The following SHC4 variants were observed in gnomAD, a reference collection of about 807,000 sequenced individuals.
SHC4 encodes the protein SHC-transforming protein 4.
Under a neutral mutation model 69.4 loss-of-function variants are expected in SHC4, and 41 were observed. That is an observed-to-expected ratio of 0.59 (90% CI 0.46 to 0.77). The LOEUF (loss-of-function observed/expected upper bound fraction) is 0.77. Among genes scored for constraint, SHC4 ranks in the 30% least tolerant of loss-of-function variants. The pLI, the probability that SHC4 is intolerant of heterozygous loss-of-function variation, is 0.00. For missense variants in SHC4, 777 were observed against 783.8 expected (o/e 0.99, Z 0.10); for synonymous variants, 318 against 299.3 (o/e 1.06, Z -0.64).
intron 1 of SHC4, among the ~76,000 whole-genome samples, chr15:48,961,728 C>A (rs1409576173): frequency 8.5e-5 from 13 of 152,194 alleles, no homozygotes; most frequent in Non-Finnish European, 1.6e-4. Context: ...GAAATCTGAG[C>A]TGCAAAAGGG....
At chr15:48,854,089 T>A (rs955236365) in intron 8 of SHC4, among the ~76,000 whole-genome samples, 4 of 152,140 alleles carry the variant, frequency 2.6e-5, no homozygotes, top group African/African-American at 9.7e-5. Flanking sequence ...CAAAAAGGTC[T>A]AATATGTAGA....
intron 9 of SHC4, among the ~76,000 whole-genome samples, chr15:48,846,703 T>A (rs1022200793): frequency 9.2e-5 from 14 of 152,240 alleles, no homozygotes; most frequent in African/African-American, 3.1e-4. Context: ...GCATCTTCAG[T>A]GCTTGGGATG....
intron 9 of SHC4, among the ~76,000 whole-genome samples, chr15:48,844,826 A>G (rs1331514452): frequency 2.0e-5 from 3 of 152,158 alleles, no homozygotes; most frequent in Admixed American, 6.5e-5. Flanking sequence ...GCTGCCATGT[A>G]AGATGTGCCT....
chr15:48,909,289 A>T (rs1293422010), intron 2 of SHC4, among the ~76,000 whole-genome samples: 1 of 146,614 alleles, frequency 6.8e-6, no homozygotes, highest in African/African-American at 2.5e-5. Context: ...TATTCCTAGG[A>T]TTTTTTTTTT....
At chr15:48,882,619 C>G (rs895056176) in intron 4 of SHC4, among the ~76,000 whole-genome samples, 1 of 152,130 alleles carries the variant, frequency 6.6e-6, no homozygotes, top group Non-Finnish European at 1.5e-5. Context: ...AGACACCCCA[C>G]AGAAAGGGCC....
intron 1 of SHC4, among the ~76,000 whole-genome samples, chr15:48,945,423 T>A (rs1429823582): frequency 6.6e-6 from 1 of 152,152 alleles, no homozygotes; most frequent in Non-Finnish European, 1.5e-5. Flanking sequence ...CCATGAATGT[T>A]CATTATAGCA....
At chr15:48,878,773 G>A (rs771725603) in intron 4 of SHC4, 6 of 1,569,258 alleles carry the variant, frequency 3.8e-6, no homozygotes, top group Non-Finnish European at 5.2e-6. Flanking sequence ...GAAACTACTT[G>A]AGGAGGGACC....
chr15:48,834,161 T>TCTTTG (rs749987442), intron 11 of SHC4, among the ~76,000 whole-genome samples: 6 of 152,200 alleles, frequency 3.9e-5, no homozygotes, highest in Admixed American at 1.3e-4. Flanking sequence ...CTACAGGCAT[T>TCTTTG]CTTTGCTACT....
chr15:48,889,828 A>G (rs1428840124), intron 3 of SHC4, among the ~76,000 whole-genome samples: 1 of 152,218 alleles, frequency 6.6e-6, no homozygotes, highest in Admixed American at 6.5e-5. Context: ...TGGGCAACAG[A>G]GCGAGACTCC....
At chr15:48,869,014 G>C (rs1899615088) in intron 5 of SHC4, among the ~76,000 whole-genome samples, 1 of 152,210 alleles carries the variant, frequency 6.6e-6, no homozygotes, top group African/African-American at 2.4e-5. Context: ...TTATGGGAAA[G>C]AGGCTGTGAG....
intron 1 of SHC4, chr15:48,946,587 G>A (rs11070668): frequency 0.89 from 870,106 of 982,806 alleles, 385,480 homozygotes; most frequent in East Asian, 0.93. Flanking sequence ...TTGGAGATTT[G>A]TCACACATCC....
rs1172451486 is a variant in SHC4, at chr15:48,843,464, G to A, written c.1428C>T (p.Gly476=). ...GGGCTGACCTTTGATTTCCAGCAGA[G>A]CCAGGTGTACTTTGAAGAGCCTGTG... is the stretch of plus-strand genomic sequence containing the variant. ...INTQALQSTP[G]SAGNQRSAQP... is the part of the protein sequence containing the mutation. The change falls in exon 10 of 12, where the codon GGC becomes GGT. Residue 476 remains glycine (G), a synonymous_variant. Transcript: ENST00000332408. 1 of 1,614,060 alleles carries A rather than the reference G, an allele frequency of 6.2e-7. No homozygotes were observed. The highest frequency in any genetic ancestry group is 2.2e-5 in the East Asian group (1 of 44,904).
chr15:48,895,987 C>T (rs1900213921), intron 2 of SHC4, among the ~76,000 whole-genome samples: 1 of 151,964 alleles, frequency 6.6e-6, no homozygotes, highest in South Asian at 2.1e-4. Flanking sequence ...ACCCAGGAGC[C>T]CGATGCAGGA....
chr15:48,872,441 A>C (rs1402651166), intron 4 of SHC4, among the ~76,000 whole-genome samples: 1 of 152,228 alleles, frequency 6.6e-6, no homozygotes, highest in Non-Finnish European at 1.5e-5. Context: ...GGAAGAACTG[A>C]AATGAATAAT....
intron 2 of SHC4, among the ~76,000 whole-genome samples, chr15:48,896,321 CTTTCT>C (rs1475688837): frequency 3.5e-5 from 4 of 113,230 alleles, no homozygotes; most frequent in South Asian, 6.3e-4. Flanking sequence ...TCTTTCTTTT[CTTTCT>C]TTTTTTTTTT....
At chr15:48,878,053 C>T (rs1899851881) in intron 4 of SHC4, 1 of 1,297,476 alleles carries the variant, frequency 7.7e-7, no homozygotes. Flanking sequence ...GAGGCGGTAC[C>T]TGAGGACCAC....
chr15:48,878,394 G>T (rs532770133), intron 4 of SHC4: 2 of 1,611,996 alleles, frequency 1.2e-6, no homozygotes, highest in African/African-American at 1.3e-5. Flanking sequence ...GAGGGGAAAC[G>T]GAGCCTTGCT....
At chr15:48,832,314 T>C (rs370980088) in intron 11 of SHC4, among the ~76,000 whole-genome samples, 1 of 152,262 alleles carries the variant, frequency 6.6e-6, no homozygotes, top group African/African-American at 2.4e-5. Flanking sequence ...TTTTGCCAGA[T>C]GGAGTAGTCT....
chr15:48,869,829 A>G (rs1274236017), intron 5 of SHC4, among the ~76,000 whole-genome samples: 2 of 152,220 alleles, frequency 1.3e-5, no homozygotes, highest in Non-Finnish European at 2.9e-5. Context: ...ACTTTAAATT[A>G]GAATCAACAG....
Sources: allele counts gnomAD v4.1 joint callset (sites outside exome capture counted in the v4.1 genomes callset), GRCh38; gene constraint gnomAD v4.1.1; transcripts MANE v1.5; gene names NCBI Gene and HGNC (gene_info 2026-07-23, HGNC 2026-07-21).